PLEKHH1: variants seen among roughly 807,000 people sequenced by gnomAD.
PLEKHH1 encodes the protein pleckstrin homology, MyTH4 and FERM domain containing H1, also known as pleckstrin homology domain-containing family H member 1.
PLEKHH1 carries 104 observed loss-of-function variants against 160.0 expected under a neutral mutation model. The ratio of observed to expected loss-of-function variants is 0.65; its 90% CI spans 0.55 to 0.76. PLEKHH1 has a LOEUF of 0.76. Among genes scored for constraint, PLEKHH1 ranks in the 30% least tolerant of loss-of-function variants. PLEKHH1 has a pLI of 0.00. For missense variants in PLEKHH1, 1,427 were observed against 1,724.1 expected (o/e 0.83, Z 3.05); for synonymous variants, 619 against 678.4 (o/e 0.91, Z 1.36).
At chr14:67,565,667 G>A (rs970299590) in intron 7 of PLEKHH1, among the ~76,000 whole-genome samples, 17 of 152,200 alleles carry the variant, frequency 1.1e-4, no homozygotes, top group African/African-American at 4.1e-4. Context: ...TGCTGCTGGG[G>A]TGTGTAGCAG....
chr14:67,583,684 C>G, intron 24 of PLEKHH1, 57 bp from the exon 25 acceptor site: 6 of 1,402,620 alleles, frequency 4.3e-6, no homozygotes, highest in Non-Finnish European at 5.9e-6. Context: ...CAACAGCCCC[C>G]ACCTGGCCCA....
chr14:67,543,098 G>C (rs935881323), intron 2 of PLEKHH1, among the ~76,000 whole-genome samples: 17 of 152,204 alleles, frequency 1.1e-4, no homozygotes, highest in African/African-American at 3.9e-4. Context: ...AAAATTAAGT[G>C]AATCAATCAT....
In PLEKHH1 at chr14:67,588,107, A is replaced by G. The variant is rs2036249968; in HGVS notation, c.*872A>G. ...GGCAGTCTTTGCAGGATAACATGCT[A>G]TACCTGCTAAGATTCAAGCTGTTTT... On this transcript the variant is annotated 3_prime_UTR_variant, in exon 29 of 29. Coordinates refer to ENST00000329153, the MANE Select transcript of PLEKHH1 (RefSeq NM_020715.3). 1 of 152,584 alleles carries G rather than the reference A, an allele frequency of 6.6e-6. No homozygotes were observed. Among genetic ancestry groups the G allele is most frequent in the Non-Finnish European group, 1.5e-5 (1 of 68,032 alleles). The allele number at this position is 152,584 out of a possible 1,614,324, so 9.5% of individuals were successfully genotyped here. A position where few individuals can be genotyped will look rare whatever the true frequency, so the allele number is the denominator to read the frequency against.
intron 2 of PLEKHH1, among the ~76,000 whole-genome samples, chr14:67,546,167 T>C (rs564384994): frequency 1.3e-4 from 20 of 152,190 alleles, no homozygotes; most frequent in Non-Finnish European, 1.9e-4. Context: ...GGTAAAAATA[T>C]AAAAACAACC....
At chr14:67,553,537 A>G (rs1054973527) in intron 2 of PLEKHH1, among the ~76,000 whole-genome samples, 4 of 152,130 alleles carry the variant, frequency 2.6e-5, no homozygotes, top group Non-Finnish European at 5.9e-5. Flanking sequence ...CCAGCCTCTG[A>G]TCTCTTGATT....
In PLEKHH1 at chr14:67,569,179, C is replaced by G; in HGVS notation, c.1305C>G (p.Leu435=). 1.2e-6 allele frequency: 2 copies of G among 1,613,354 alleles called. No individual in the cohort carries two copies. Among genetic ancestry groups the G allele is most frequent in the Non-Finnish European group, 1.7e-6 (2 of 1,179,436 alleles). ...CTGTGGCCACATCGGGCATGCGGCT[C>G]TCAGATATGTCTCCCAGAAGTAATA... ...IYAVATSGMR[L]SDMSPRSNTA... is the part of the protein sequence containing the mutation. The change falls in exon 8 of 29, where the codon CTC becomes CTG. Residue 435 remains leucine (L), a synonymous_variant. Transcript: ENST00000329153.
intron 1 of PLEKHH1, among the ~76,000 whole-genome samples, chr14:67,540,177 C>A (rs2033907389): frequency 6.6e-6 from 1 of 152,022 alleles, no homozygotes; most frequent in Non-Finnish European, 1.5e-5. Context: ...TCCCATATAC[C>A]CATCAGCCAG....
chr14:67,580,114 G>A, intron 22 of PLEKHH1: 1 of 470,220 alleles, frequency 2.1e-6, no homozygotes, highest in South Asian at 2.7e-5. Context: ...TCCCTCGAGT[G>A]GCTGTGCAGC....
At position 67,536,803 on chromosome 14, in the gene PLEKHH1, G is replaced by C. The variant is rs144439433; in HGVS notation, c.-35+3405G>C. On this transcript the variant is annotated intron_variant, in intron 1 of 28. Coordinates refer to ENST00000329153, the MANE Select transcript of PLEKHH1 (RefSeq NM_020715.3). Reference sequence around the variant, plus strand: ...CACGCCTGTAATCCCAGCACTTTGGGAGGCCAAGGCAGGTGGATCACCTGA... The same window carrying C: ...CACGCCTGTAATCCCAGCACTTTGGCAGGCCAAGGCAGGTGGATCACCTGA... Among the ~76,000 whole-genome samples the C allele has an allele frequency of 7.2e-4, 110 of 151,988 alleles. 2 individuals are homozygous for C. Among genetic ancestry groups the C allele is most frequent in the African/African-American group, 2.5e-3 (103 of 41,232 alleles).
intron 3 of PLEKHH1, among the ~76,000 whole-genome samples, chr14:67,556,522 T>TCAA (rs1187026461): frequency 1.3e-5 from 2 of 152,100 alleles, no homozygotes; most frequent in African/African-American, 2.4e-5. Flanking sequence ...TAAGCAGTCC[T>TCAA]CCTGCCTCAA....
chr14:67,575,991 A>C lies in PLEKHH1; in HGVS notation c.2338A>C (p.Thr780Pro). The stretch of plus-strand genomic sequence containing the variant: ...CAGCCCCACCTACCTCCTCATTGGC[A>C]CCAAGCATGAAAAGGTAAGGAAGAG... Reference protein sequence around the residue: ...EHSPTYLLIGTKHEKDTWLYH... With the variant: ...EHSPTYLLIGPKHEKDTWLYH... Residue 780 changes from threonine (T) to proline (P), a missense_variant, in exon 16 of 29, where the codon ACC (threonine) becomes CCC (proline). Physicochemically the swap from Thr to Pro is conservative, Grantham distance 38. Transcript: ENST00000329153. 2 of 1,611,716 alleles carry C rather than the reference A, an allele frequency of 1.2e-6. No homozygotes were observed. The highest frequency in any genetic ancestry group is 1.3e-5 in the African/African-American group (1 of 74,964).
chr14:67,542,150 G>A (rs3742867), intron 2 of PLEKHH1, among the ~76,000 whole-genome samples, 157 bp downstream of exon 2: 29,518 of 152,092 alleles, frequency 0.19, 3,040 homozygotes, highest in South Asian at 0.23. Flanking sequence ...ACCAAAGTCC[G>A]AGCAGTTTAC....
At chr14:67,579,987 G>C in intron 22 of PLEKHH1, 111 bp downstream of exon 22, 1 of 1,039,780 alleles carries the variant, frequency 9.6e-7, no homozygotes, top group Non-Finnish European at 1.4e-6. Flanking sequence ...ATTTGGTGCT[G>C]AGCCCAAGGT....
Position 67,578,398 on chromosome 14 carries a change from G to T in PLEKHH1, c.2752-136G>T. 1.3e-6 allele frequency: 1 copy of T among 770,630 alleles called. No individual in the cohort carries two copies. The highest frequency in any genetic ancestry group is 2.2e-6 in the Non-Finnish European group (1 of 458,428). 47.7% of individuals were successfully genotyped at this position (770,630 alleles called of 1,614,324 possible). On this transcript the variant is annotated intron_variant, in intron 19 of 28. Transcript: ENST00000329153. The surrounding 1 kb of genome is among the most constrained non-coding windows in gnomAD (Gnocchi z 5.0). ...ATTCTGGACACAGCCTGACCAAGTT[G>T]GCCATCCCAGCACCCAGAGCAAGTT...
chr14:67,576,107 T>G lies in PLEKHH1; in HGVS notation c.2352+102T>G. On this transcript the variant is annotated intron_variant, in intron 16 of 28. Transcript: ENST00000329153. The surrounding 1 kb of genome is among the most constrained non-coding windows in gnomAD (Gnocchi z 4.0). The stretch of plus-strand genomic sequence containing the variant: ...CTTCCCAAAATTCAAATTTATTTCC[T>G]TTTGGACACTTTGGCAACTAATATT... 3.3e-6 allele frequency: 3 copies of G among 916,558 alleles called. No individual in the cohort carries two copies. Among genetic ancestry groups the G allele is most frequent in the Non-Finnish European group, 3.3e-6 (2 of 602,392 alleles). 56.8% of individuals were successfully genotyped at this position (916,558 alleles called of 1,614,324 possible).
chr14:67,571,717 C>G, intron 9 of PLEKHH1, 35 bp from the exon 10 acceptor site: 1 of 1,601,578 alleles, frequency 6.2e-7, no homozygotes. Context: ...TGTTTTGCAG[C>G]CTGAGCTGCA....
At position 67,574,944 on chromosome 14, in the gene PLEKHH1, C is replaced by G. The variant is rs996165292; in HGVS notation, c.2089-448C>G. 3.9e-5 allele frequency among the ~76,000 whole-genome samples: 6 copies of G among 152,200 alleles called. No homozygotes were observed. Among genetic ancestry groups the G allele is most frequent in the Non-Finnish European group, 8.8e-5 (6 of 68,040 alleles). ...ACTCAGCAAGCTCAGGGCTGGCAGG[C>G]TCGCTGTGTGGCTCTGCTTCTCGTT... On this transcript the variant is annotated intron_variant, in intron 14 of 28. Coordinates refer to ENST00000329153, the MANE Select transcript of PLEKHH1 (RefSeq NM_020715.3). The surrounding 1 kb of genome is among the most constrained non-coding windows in gnomAD (Gnocchi z 4.2).
Position 67,569,912 on chromosome 14 carries a change from C to G in PLEKHH1, c.1343-9C>G. ...CTTGAGTAATCTCATTCCTCTCTTC[C>G]CTGCTCAGCTTCAAGCCCTCCTGCC... On this transcript the variant is annotated splice_polypyrimidine_tract_variant and intron_variant, in intron 8 of 28. Coordinates refer to ENST00000329153, the MANE Select transcript of PLEKHH1 (RefSeq NM_020715.3). 6.3e-7 allele frequency: 1 copy of G among 1,586,090 alleles called. No individual in the cohort carries two copies. Among genetic ancestry groups the G allele is most frequent in the South Asian group, 1.1e-5 (1 of 88,696 alleles).
intron 9 of PLEKHH1, chr14:67,570,899 T>C (rs989849519): frequency 6.6e-6 from 1 of 152,138 alleles, no homozygotes; most frequent in Non-Finnish European, 1.5e-5. Flanking sequence ...AATTTTTGTA[T>C]TTTTAGTAGA....
Sources: allele counts gnomAD v4.1 joint callset (sites outside exome capture counted in the v4.1 genomes callset), GRCh38; gene constraint gnomAD v4.1.1; non-coding constraint Gnocchi (gnomAD v3.1); transcripts MANE v1.5; gene names NCBI Gene and HGNC (gene_info 2026-07-23, HGNC 2026-07-21).